The following BABAM2 variants were observed in gnomAD, a reference collection of about 807,000 sequenced individuals.
BABAM2 encodes BRISC and BRCA1-A complex member 2.
Under a neutral mutation model 54.7 loss-of-function variants are expected in BABAM2, and 31 were observed. The observed-to-expected ratio is 0.57, with a 90% CI of 0.43 to 0.77. The LOEUF (loss-of-function observed/expected upper bound fraction) is 0.77, where lower values mean the gene tolerates loss of function less well. BABAM2 is among the 30% of genes least tolerant of loss of function. The pLI, the probability that BABAM2 is intolerant of heterozygous loss-of-function variation, is 0.00. For missense variants in BABAM2, 364 were observed against 455.8 expected, an observed-to-expected ratio of 0.80 and a Z score of 1.83; for synonymous variants, 167 against 162.9, an observed-to-expected ratio of 1.03 and a Z score of -0.19.
chr2:28,337,446 A>G lies in BABAM2; in HGVS notation c.1089-1004A>G, dbSNP rs1013582372. ...GATCCCATGGCTGGGTCACCCCGCCACCCCTGATGCCTTGTACAGTGCCTG... is the reference window on the plus strand; with the variant it reads ...GATCCCATGGCTGGGTCACCCCGCCGCCCCTGATGCCTTGTACAGTGCCTG... On this transcript the variant is annotated intron_variant, in intron 11 of 11. Transcript: ENST00000379624. Among the ~76,000 whole-genome samples, 9 of 151,990 alleles carry G rather than the reference A, an allele frequency of 5.9e-5. 1 individual carries two copies. The highest frequency in any genetic ancestry group is 4.6e-4 in the Admixed American group (7 of 15,272).
intron 3 of BABAM2, among the ~76,000 whole-genome samples, chr2:27,972,506 G>C (rs780296648): frequency 6.6e-6 from 1 of 152,074 alleles, no homozygotes; most frequent in Non-Finnish European, 1.5e-5. Flanking sequence ...TTCCTAATCA[G>C]TGTTTCCTGT....
chr2:28,184,457 T>A (rs1676053258), intron 7 of BABAM2, among the ~76,000 whole-genome samples: 1 of 151,414 alleles, frequency 6.6e-6, no homozygotes, highest in Non-Finnish European at 1.5e-5. Context: ...TAGATATATC[T>A]CCTAATGCTA....
chr2:28,202,536 G>C (rs1414439161), intron 7 of BABAM2, among the ~76,000 whole-genome samples: 1 of 152,114 alleles, frequency 6.6e-6, no homozygotes, highest in Non-Finnish European at 1.5e-5. Context: ...CCAACATCTA[G>C]TTGCTTCAGA....
intron 4 of BABAM2, among the ~76,000 whole-genome samples, chr2:28,008,948 G>A (rs1027024520): frequency 1.3e-5 from 2 of 152,160 alleles, no homozygotes; most frequent in South Asian, 2.1e-4. Context: ...GTAGACCAGA[G>A]GTCTGGAGAC....
chr2:28,295,947 A>C (rs543507457), intron 10 of BABAM2, among the ~76,000 whole-genome samples: 3 of 152,290 alleles, frequency 2.0e-5, no homozygotes, highest in African/African-American at 7.2e-5. Context: ...ATCTCTACTA[A>C]AAATATAAAA....
At chr2:28,250,948 C>G (rs1321854678) in intron 10 of BABAM2, among the ~76,000 whole-genome samples, 1 of 152,138 alleles carries the variant, frequency 6.6e-6, no homozygotes, top group Non-Finnish European at 1.5e-5. Context: ...GGATTTTGCC[C>G]TGCACATTAT....
chr2:28,076,453 A>ATT (rs1664673439), intron 6 of BABAM2, among the ~76,000 whole-genome samples: 4 of 147,660 alleles, frequency 2.7e-5, no homozygotes, highest in African/African-American at 1.0e-4. Flanking sequence ...GAAAATTTTT[A>ATT]TTTTATATTT....
At chr2:28,218,739 C>T (rs149048796) in intron 7 of BABAM2, among the ~76,000 whole-genome samples, 64 of 152,292 alleles carry the variant, frequency 4.2e-4, no homozygotes, top group African/African-American at 1.5e-3. Flanking sequence ...ATGTCTTCCT[C>T]AGACTTTCAC....
upstream of BABAM2, chr2:27,890,251 A>C (rs201634958): frequency 1.2e-6 from 2 of 1,613,082 alleles, no homozygotes; most frequent in Admixed American, 1.7e-5. The surrounding 1 kb of genome is among the most constrained non-coding windows in gnomAD (Gnocchi z 4.8). Flanking sequence ...CTGGCCCCGG[A>C]CTAACCTGAC....
intron 3 of BABAM2, among the ~76,000 whole-genome samples, chr2:27,978,170 C>T (rs1293780304): frequency 6.6e-6 from 1 of 152,040 alleles, no homozygotes; most frequent in Non-Finnish European, 1.5e-5. Context: ...TGGTGCTGTC[C>T]TTGTGATAAT....
chr2:28,066,432 T>C (rs1663583758), intron 6 of BABAM2, among the ~76,000 whole-genome samples: 1 of 152,204 alleles, frequency 6.6e-6, no homozygotes, highest in Non-Finnish European at 1.5e-5. Context: ...TTTGTAGACA[T>C]GTATCGATAG....
intron 11 of BABAM2, among the ~76,000 whole-genome samples, chr2:28,323,337 G>A (rs555080388): frequency 2.6e-5 from 4 of 152,148 alleles, no homozygotes; most frequent in South Asian, 2.1e-4. Flanking sequence ...GCTCAGACCC[G>A]TGCAGCACCT....
chr2:27,953,339 C>T (rs1669874181), intron 3 of BABAM2, among the ~76,000 whole-genome samples: 2 of 151,988 alleles, frequency 1.3e-5, no homozygotes, highest in African/African-American at 2.4e-5. Context: ...CTGAGCTCCT[C>T]GCCTGGCTAA....
rs566808274 is a variant in BABAM2 at position 28,206,461 on chromosome 2, A to C, written c.681-30741A>C. 2.0e-5 allele frequency among the ~76,000 whole-genome samples: 3 copies of C among 152,290 alleles called. No individual in the cohort carries two copies. The East Asian group carries it at 5.8e-4, about 29-fold the overall frequency. On this transcript the variant is annotated intron_variant, in intron 7 of 11. Transcript: ENST00000379624. ...AGAGTGATCAGGAATGGAGAATTAA[A>C]TATCGACTACAATTGTCCATACCTT...
chr2:28,229,838 T>C (rs1681212913), intron 7 of BABAM2, among the ~76,000 whole-genome samples: 1 of 152,132 alleles, frequency 6.6e-6, no homozygotes, highest in African/African-American at 2.4e-5. Flanking sequence ...CCACCTGCCT[T>C]GGCCTCCCAA....
intron 7 of BABAM2, among the ~76,000 whole-genome samples, chr2:28,227,243 G>A (rs974302587): frequency 1.3e-5 from 2 of 151,592 alleles, no homozygotes; most frequent in African/African-American, 2.4e-5. Context: ...CATTGGCATC[G>A]CATCAGGATC....
intron 2 of BABAM2, among the ~76,000 whole-genome samples, chr2:27,908,239 CA>C (rs911627176): frequency 1.3e-5 from 2 of 151,970 alleles, no homozygotes; most frequent in Non-Finnish European, 2.9e-5. Context: ...GTATAGTACT[CA>C]ATAGGTAGGT....
chr2:28,285,595 T>C (rs914023541), intron 10 of BABAM2, among the ~76,000 whole-genome samples: 6 of 152,220 alleles, frequency 3.9e-5, no homozygotes, highest in African/African-American at 1.4e-4. Flanking sequence ...CTGCCAGATA[T>C]TTGATTTAAA....
At chr2:27,936,966 T>TA (rs977679212) in intron 3 of BABAM2, among the ~76,000 whole-genome samples, 4 of 151,366 alleles carry the variant, frequency 2.6e-5, no homozygotes, top group Non-Finnish European at 4.4e-5. Context: ...ACAAATAAAT[T>TA]AAAAAAAATA....
Sources: gnomAD v4.1 joint callset for allele counts (sites outside exome capture counted in the v4.1 genomes callset) on GRCh38, gnomAD v4.1.1 for gene constraint, Gnocchi (gnomAD v3.1) non-coding constraint, MANE v1.5 for transcripts, NCBI Gene and HGNC (gene_info 2026-07-23, HGNC 2026-07-21) for gene names.